The following TEAD1 variants were observed in gnomAD, a reference collection of about 807,000 sequenced individuals.
The protein encoded by TEAD1 is transcriptional enhancer factor TEF-1.
TEAD1 carries 9 observed loss-of-function variants against 54.9 expected under a neutral mutation model. The ratio of observed to expected loss-of-function variants is 0.16; its 90% CI spans 0.10 to 0.29. The LOEUF is 0.29. TEAD1 is among the 10% of genes least tolerant of loss of function. TEAD1 has a pLI of 1.00. For synonymous variants in TEAD1, 200 were observed against 187.8 expected (o/e 1.07, Z -0.53); for missense variants, 387 against 535.9 (o/e 0.72, Z 2.74).
intron 3 of TEAD1, among the ~76,000 whole-genome samples, chr11:12,808,940 T>C (rs533616364): frequency 6.6e-6 from 1 of 152,218 alleles, no homozygotes; most frequent in African/African-American, 2.4e-5. Flanking sequence ...CAAAATGCTG[T>C]TGGAGTCCCT....
chr11:12,918,770 A>G (rs753647809), intron 10 of TEAD1, among the ~76,000 whole-genome samples: 1 of 152,216 alleles, frequency 6.6e-6, no homozygotes, highest in African/African-American at 2.4e-5. Context: ...GGGTGGATAG[A>G]TCGTGGCATT....
chr11:12,750,353 A>T (rs1270968224), intron 2 of TEAD1, among the ~76,000 whole-genome samples: 1 of 152,114 alleles, frequency 6.6e-6, no homozygotes, highest in East Asian at 1.9e-4. Flanking sequence ...AGCAGAGTTA[A>T]TCCCATGGCT....
intron 3 of TEAD1, among the ~76,000 whole-genome samples, chr11:12,855,119 G>A (rs4757956): frequency 0.68 from 103,868 of 151,914 alleles, 35,755 homozygotes; most frequent in East Asian, 0.76. Context: ...CTCTGGCAGT[G>A]TCCACAGATA....
chr11:12,836,354 A>G (rs1410944534), intron 3 of TEAD1, among the ~76,000 whole-genome samples: 1 of 150,078 alleles, frequency 6.7e-6, no homozygotes. Flanking sequence ...GGGCAGGCGG[A>G]GCTTGCAGTG....
chr11:12,761,201 C>G (rs1945096380), intron 2 of TEAD1, among the ~76,000 whole-genome samples: 1 of 152,196 alleles, frequency 6.6e-6, no homozygotes, highest in Non-Finnish European at 1.5e-5. Flanking sequence ...AGTTGTGATT[C>G]ATACCTATAG....
intron 11 of TEAD1, among the ~76,000 whole-genome samples, chr11:12,929,296 G>A (rs1323054545): frequency 6.6e-6 from 1 of 151,592 alleles, no homozygotes; most frequent in Admixed American, 6.6e-5. Context: ...CTTTTTACTT[G>A]TATGAAGAGT....
At chr11:12,882,553 G>A (rs1158039568) in intron 8 of TEAD1, among the ~76,000 whole-genome samples, 2 of 152,140 alleles carry the variant, frequency 1.3e-5, no homozygotes, top group South Asian at 2.1e-4. Flanking sequence ...GTATTGCCCT[G>A]TGCCCGAGTG....
At chr11:12,824,680 TGGGG>T (rs1225242407) in intron 3 of TEAD1, among the ~76,000 whole-genome samples, 1 of 152,152 alleles carries the variant, frequency 6.6e-6, no homozygotes, top group Non-Finnish European at 1.5e-5. Context: ...AGCTGGGTGA[TGGGG>T]GTGAGGGTTG....
chr11:12,929,929 A>G (rs538795340), intron 11 of TEAD1, among the ~76,000 whole-genome samples: 58 of 152,324 alleles, frequency 3.8e-4, no homozygotes, highest in Non-Finnish European at 6.8e-4. Context: ...GGATCTGTCA[A>G]CGCTTCTTAA....
chr11:12,703,089 CCCTACCTGCTT>C (rs1943737176), intron 2 of TEAD1, among the ~76,000 whole-genome samples: 1 of 152,134 alleles, frequency 6.6e-6, no homozygotes. Flanking sequence ...AAAGCCTCCT[CCCTACCTGCTT>C]CATCACCCAA....
intron 11 of TEAD1, among the ~76,000 whole-genome samples, chr11:12,927,484 C>G (rs990654246): frequency 6.6e-6 from 1 of 152,136 alleles, no homozygotes; most frequent in African/African-American, 2.4e-5. Flanking sequence ...TGAGGCGAGT[C>G]AGGCTCACTA....
intron 2 of TEAD1, among the ~76,000 whole-genome samples, chr11:12,739,624 A>G (rs1212922206): frequency 6.6e-6 from 1 of 152,186 alleles, no homozygotes; most frequent in Non-Finnish European, 1.5e-5. Context: ...TTCCTTTTCA[A>G]GGCTGGATAA....
Position 12,783,098 on chromosome 11 carries a change from TTGTGTGTG to T in TEAD1, c.202+18693_202+18700del, listed in dbSNP as rs34564715. On this transcript the variant is annotated intron_variant, in intron 3 of 12. Transcript: ENST00000527636. ...AGAAGTCACTAAACCAGGTAAGGGT[TTGTGTGTG>T]TGTGTGTGTGTGTGTGTGTGTGTGT... Among the ~76,000 whole-genome samples the T allele has an allele frequency of 3.3e-4, 46 of 139,366 alleles. No homozygotes were observed. The East Asian group carries it at 3.3e-3, about 10-fold the overall frequency. The allele number at this position is 139,366 out of a possible 152,430, so 91.4% of individuals were successfully genotyped here.
intron 6 of TEAD1, 101 bp from the exon 7 acceptor site, chr11:12,880,904 C>G: frequency 3.8e-6 from 5 of 1,326,966 alleles, no homozygotes; most frequent in Non-Finnish European, 3.3e-6. Flanking sequence ...GTTGGGTGAT[C>G]GAACCTGCTG....
intron 10 of TEAD1, among the ~76,000 whole-genome samples, chr11:12,917,390 T>G (rs1589987822): frequency 6.6e-6 from 1 of 152,200 alleles, no homozygotes; most frequent in African/African-American, 2.4e-5. Flanking sequence ...TGGAGCTGAA[T>G]TAAATTTCTG....
chr11:12,867,650 C>G (rs1168345260), intron 5 of TEAD1, among the ~76,000 whole-genome samples: 1 of 152,184 alleles, frequency 6.6e-6, no homozygotes, highest in Non-Finnish European at 1.5e-5. Flanking sequence ...CCCCCTTGTT[C>G]AGCTCTGGAA....
chr11:12,712,700 G>A (rs1411293808), intron 2 of TEAD1, among the ~76,000 whole-genome samples: 2 of 152,136 alleles, frequency 1.3e-5, no homozygotes, highest in African/African-American at 2.4e-5. Flanking sequence ...TATCAATCAC[G>A]TGAGAATAAT....
chr11:12,810,389 A>C (rs1424653427), intron 3 of TEAD1, among the ~76,000 whole-genome samples: 2 of 152,090 alleles, frequency 1.3e-5, no homozygotes, highest in Non-Finnish European at 2.9e-5. Context: ...CATTTTCCCC[A>C]TGAGGGTCTA....
chr11:12,725,752 T>C (rs537486372), intron 2 of TEAD1, among the ~76,000 whole-genome samples: 10 of 152,314 alleles, frequency 6.6e-5, no homozygotes, highest in African/African-American at 2.4e-4. Flanking sequence ...CTGAAGATTG[T>C]GGTCTAAGAA....
Sources: allele counts gnomAD v4.1 joint callset (sites outside exome capture counted in the v4.1 genomes callset), GRCh38; gene constraint gnomAD v4.1.1; transcripts MANE v1.5; gene names NCBI Gene and HGNC (gene_info 2026-07-23, HGNC 2026-07-21).